KCNH5: variants seen among roughly 807,000 people sequenced by gnomAD.
The protein encoded by KCNH5 is voltage-gated delayed rectifier potassium channel KCNH5.
Under a neutral mutation model 96.1 loss-of-function variants are expected in KCNH5, and 46 were observed. That is an observed-to-expected ratio of 0.48 (90% CI 0.38 to 0.61). The LOEUF is 0.61. KCNH5 is among the 20% of genes least tolerant of loss of function. The pLI, the probability that KCNH5 is intolerant of heterozygous loss-of-function variation, is 0.00. For missense variants in KCNH5, 907 were observed against 1,225.8 expected, an observed-to-expected ratio of 0.74 and a Z score of 3.88; for synonymous variants, 439 against 449.8, an observed-to-expected ratio of 0.98 and a Z score of 0.30.
chr14:62,887,491 G>T (rs1241742210), intron 7 of KCNH5, among the ~76,000 whole-genome samples: 1 of 152,048 alleles, frequency 6.6e-6, no homozygotes, highest in Non-Finnish European at 1.5e-5. Context: ...AAAATCATTT[G>T]TGTATATTTA....
intron 7 of KCNH5, among the ~76,000 whole-genome samples, chr14:62,918,176 T>C (rs1889311674): frequency 6.6e-6 from 1 of 152,144 alleles, no homozygotes; most frequent in African/African-American, 2.4e-5. Flanking sequence ...ATTAATTGAA[T>C]TAAATAAGAA....
chr14:62,749,054 A>G (rs900346193), intron 10 of KCNH5, among the ~76,000 whole-genome samples: 4 of 152,172 alleles, frequency 2.6e-5, no homozygotes, highest in Admixed American at 6.5e-5. Flanking sequence ...GAACATACAC[A>G]CAGCACTCGG....
chr14:63,003,625 T>TTTATATTTATATATATATATATATA (rs1891070294), intron 3 of KCNH5, among the ~76,000 whole-genome samples: 1 of 103,766 alleles, frequency 9.6e-6, no homozygotes, highest in Non-Finnish European at 1.8e-5. Context: ...TATATATATA[T>TTTATATTTATATATATATATATATA]TTTTTTTTTT....
At position 62,705,592 on chromosome 14, in the gene KCNH5, T is replaced by C. The variant is rs1451142749; in HGVS notation, c.*1916A>G. The stretch of plus-strand genomic sequence containing the variant: ...CTTCCATTATGGTTAATGGAAGTTA[T>C]ACGCATAAAGAAAGGAAAATGGAGC... On this transcript the variant is annotated 3_prime_UTR_variant, in exon 11 of 11. Transcript: ENST00000322893. 1 of 152,052 alleles carries C rather than the reference T, an allele frequency of 6.6e-6. No individual in the cohort carries two copies. The highest frequency in any genetic ancestry group is 1.9e-4 in the East Asian group (1 of 5,198). The allele number at this position is 152,052 out of a possible 1,614,324, so 9.4% of individuals were successfully genotyped here. A position where few individuals can be genotyped will look rare whatever the true frequency, so the allele number is the denominator to read the frequency against.
intron 8 of KCNH5, among the ~76,000 whole-genome samples, chr14:62,825,531 T>C (rs55940653): frequency 0.042 from 6,458 of 152,130 alleles, 276 homozygotes; most frequent in African/African-American, 0.11. Context: ...GGTGACTTCA[T>C]CAAGAGTCAC....
intron 6 of KCNH5, among the ~76,000 whole-genome samples, chr14:62,977,557 A>T (rs2139564340): frequency 6.6e-6 from 1 of 152,292 alleles, no homozygotes; most frequent in South Asian, 2.1e-4. Flanking sequence ...CAAGAGGTAG[A>T]TATGTAATCG....
At chr14:62,849,621 A>G (rs1179651398) in intron 8 of KCNH5, 32 bp downstream of exon 8, 1 of 1,571,462 alleles carries the variant, frequency 6.4e-7, no homozygotes, top group Admixed American at 1.7e-5. Flanking sequence ...CTACTAAAAT[A>G]GAAACTAAAT....
At chr14:62,973,328 C>T (rs1057512561) in intron 6 of KCNH5, among the ~76,000 whole-genome samples, 1 of 152,138 alleles carries the variant, frequency 6.6e-6, no homozygotes, top group Non-Finnish European at 1.5e-5. Context: ...TTGGGTAGCG[C>T]TATGGTTTGA....
In KCNH5 at chr14:62,707,085, C is replaced by T. The variant is rs1884448186; in HGVS notation, c.*423G>A. 6.6e-6 allele frequency: 1 copy of T among 152,216 alleles called. No individual in the cohort carries two copies. Among genetic ancestry groups the T allele is most frequent in the South Asian group, 2.1e-4 (1 of 4,832 alleles). The allele number at this position is 152,216 out of a possible 1,614,324, so 9.4% of individuals were successfully genotyped here. ...GGTACTAATAGTTTAAAAGACTGAA[C>T]TCTTCCTTGGCATTAATCTATACTT... On this transcript the variant is annotated 3_prime_UTR_variant, in exon 11 of 11. Coordinates refer to ENST00000322893, the MANE Select transcript of KCNH5 (RefSeq NM_139318.5).
intron 8 of KCNH5, among the ~76,000 whole-genome samples, chr14:62,817,060 CTGTG>C (rs1451118296): frequency 6.5e-5 from 9 of 137,610 alleles, no homozygotes; most frequent in African/African-American, 1.9e-4. Flanking sequence ...TCTCTGAGTT[CTGTG>C]TGTGTGTATC....
chr14:63,020,475 A>T (rs1441091215), intron 1 of KCNH5, among the ~76,000 whole-genome samples: 2 of 152,264 alleles, frequency 1.3e-5, no homozygotes, highest in East Asian at 3.9e-4. Context: ...TCAGCTCTAA[A>T]ATGGAACAAA....
chr14:62,909,552 G>A (rs1395957452), intron 7 of KCNH5, among the ~76,000 whole-genome samples: 2 of 152,134 alleles, frequency 1.3e-5, no homozygotes, highest in African/African-American at 4.8e-5. Flanking sequence ...CTCACACCTT[G>A]TATGCAATTG....
At chr14:62,765,460 GGC>G (rs542562399) in intron 10 of KCNH5, among the ~76,000 whole-genome samples, 77 of 152,278 alleles carry the variant, frequency 5.1e-4, no homozygotes, top group Middle Eastern at 3.4e-3. Flanking sequence ...CATAGGTCCT[GGC>G]AAAGATTTCA....
chr14:62,980,769 T>C, intron 6 of KCNH5, 103 bp downstream of exon 6: 3 of 1,216,322 alleles, frequency 2.5e-6, no homozygotes, highest in Non-Finnish European at 3.4e-6. Context: ...AAGTTGAAAG[T>C]GGTGGCTAAA....
chr14:62,821,448 TA>T (rs1284128163), intron 8 of KCNH5, among the ~76,000 whole-genome samples: 1 of 152,128 alleles, frequency 6.6e-6, no homozygotes, highest in East Asian at 1.9e-4. Context: ...AGGGGAAATA[TA>T]TTTTTTTAAC....
intron 1 of KCNH5, among the ~76,000 whole-genome samples, chr14:63,021,507 A>G (rs574490581): frequency 2.6e-5 from 4 of 151,912 alleles, no homozygotes; most frequent in African/African-American, 7.2e-5. Context: ...AATCATCTCA[A>G]CTCTACATTT....
intron 7 of KCNH5, among the ~76,000 whole-genome samples, chr14:62,919,256 T>C (rs1360779633): frequency 6.6e-6 from 1 of 152,030 alleles, no homozygotes; most frequent in Non-Finnish European, 1.5e-5. Flanking sequence ...TTGCTTCATT[T>C]TTCTTCACGA....
chr14:62,995,833 T>G (rs1247712783), intron 4 of KCNH5, among the ~76,000 whole-genome samples: 1 of 152,102 alleles, frequency 6.6e-6, no homozygotes, highest in Non-Finnish European at 1.5e-5. Flanking sequence ...CACTAGAATG[T>G]GACAGAAGAG....
chr14:62,960,505 T>C (rs567370624), intron 6 of KCNH5, among the ~76,000 whole-genome samples: 2 of 152,282 alleles, frequency 1.3e-5, no homozygotes, highest in East Asian at 1.9e-4. Flanking sequence ...CAATAATTAA[T>C]AGCTGCTTAA....
Sources: allele counts gnomAD v4.1 joint callset (sites outside exome capture counted in the v4.1 genomes callset), GRCh38; gene constraint gnomAD v4.1.1; transcripts MANE v1.5; gene names NCBI Gene and HGNC (gene_info 2026-07-23, HGNC 2026-07-21).